The following ANO10 variants were observed in gnomAD, a reference collection of about 807,000 sequenced individuals.
ANO10 encodes the protein anoctamin 10.
ANO10 carries 77 observed loss-of-function variants against 74.7 expected under a neutral mutation model. That is an observed-to-expected ratio of 1.03 (90% CI 0.86 to 1.25). The LOEUF is 1.25. Among genes scored for constraint, ANO10 ranks in the 50% most tolerant of loss-of-function variants. The pLI is 0.00. For synonymous variants in ANO10, 279 were observed against 284.9 expected (o/e 0.98, Z 0.21); for missense variants, 721 against 778.1 (o/e 0.93, Z 0.87).
intron 1 of ANO10, among the ~76,000 whole-genome samples, chr3:43,619,619 G>T (rs892743248): frequency 6.6e-6 from 1 of 152,042 alleles, no homozygotes; most frequent in Non-Finnish European, 1.5e-5. Flanking sequence ...GGAGTCCATG[G>T]GGGGTGGATC....
chr3:43,672,791 T>C lies in ANO10; in HGVS notation c.-12+18726A>G, dbSNP rs756113998. 1.1e-4 allele frequency among the ~76,000 whole-genome samples: 17 copies of C among 152,302 alleles called. No homozygotes were observed. In the East Asian group the frequency reaches 1.5e-3, roughly 14 times the overall value. On this transcript the variant is annotated intron_variant, in intron 1 of 3. Transcript: ENST00000413397. ...CCGACTCCTTTGTAACTTTCCTACA[T>C]TGATTTAAAGTAGACAGTGGTATAT...
At chr3:43,433,277 C>T (rs920139773) in intron 11 of ANO10, among the ~76,000 whole-genome samples, 15 of 152,140 alleles carry the variant, frequency 9.9e-5, no homozygotes, top group Non-Finnish European at 1.6e-4. Flanking sequence ...CCAGGTATTC[C>T]TGTAAACTGA....
At chr3:43,432,827 T>G (rs1457298256) in intron 11 of ANO10, 100 bp from the exon 12 acceptor site, 1 of 880,904 alleles carries the variant, frequency 1.1e-6, no homozygotes, top group Non-Finnish European at 1.9e-6. Flanking sequence ...TATATTAATC[T>G]TGGGTAATTT....
At chr3:43,673,990 G>C (rs1393264926) in intron 1 of ANO10, among the ~76,000 whole-genome samples, 1 of 152,178 alleles carries the variant, frequency 6.6e-6, no homozygotes, top group Admixed American at 6.5e-5. Flanking sequence ...AAAAGTATGT[G>C]AAGGACATCA....
chr3:43,386,475 T>G (rs2092120483), intron 12 of ANO10, among the ~76,000 whole-genome samples: 1 of 152,092 alleles, frequency 6.6e-6, no homozygotes, highest in Admixed American at 6.5e-5. Context: ...CAACACCTGA[T>G]CTGAGAAACT....
intron 10 of ANO10, among the ~76,000 whole-genome samples, chr3:43,554,566 T>G (rs758571118): frequency 3.9e-5 from 6 of 152,192 alleles, no homozygotes; most frequent in Non-Finnish European, 8.8e-5. Flanking sequence ...TTAAACCTTC[T>G]GTTTTAGTTG....
At chr3:43,436,935 G>A (rs1358535043) in intron 11 of ANO10, among the ~76,000 whole-genome samples, 1 of 152,192 alleles carries the variant, frequency 6.6e-6, no homozygotes, top group Non-Finnish European at 1.5e-5. Context: ...ACAATGGTAT[G>A]TATGCAGAGT....
intron 11 of ANO10, among the ~76,000 whole-genome samples, chr3:43,487,404 G>A (rs2076538039): frequency 1.3e-5 from 2 of 151,998 alleles, no homozygotes; most frequent in Admixed American, 1.3e-4. Context: ...TGTACTTCTG[G>A]TAGAATTCAG....
intron 12 of ANO10, among the ~76,000 whole-genome samples, chr3:43,430,615 T>C (rs1388736078): frequency 6.6e-6 from 1 of 152,162 alleles, no homozygotes; most frequent in Non-Finnish European, 1.5e-5. Flanking sequence ...GGCCCATTTA[T>C]GGACTCAATG....
chr3:43,627,954 T>C (rs531788032), intron 1 of ANO10, among the ~76,000 whole-genome samples: 15 of 152,250 alleles, frequency 9.9e-5, no homozygotes, highest in South Asian at 4.1e-4. Flanking sequence ...TGGCGCTATC[T>C]AGGCTTACCA....
At chr3:43,499,993 A>G (rs1267022379) in intron 11 of ANO10, among the ~76,000 whole-genome samples, 3 of 151,874 alleles carry the variant, frequency 2.0e-5, no homozygotes. Context: ...CACCACACCT[A>G]GCTGTTTTTT....
intron 1 of ANO10, among the ~76,000 whole-genome samples, chr3:43,687,270 A>G (rs2084287860): frequency 6.6e-6 from 1 of 152,204 alleles, no homozygotes; most frequent in African/African-American, 2.4e-5. Context: ...TACCAAAACC[A>G]AAAAATATTT....
chr3:43,683,598 C>A (rs1426203514), intron 1 of ANO10, among the ~76,000 whole-genome samples: 1 of 152,116 alleles, frequency 6.6e-6, no homozygotes, highest in Admixed American at 6.5e-5. Context: ...TCATATGGAA[C>A]CAAAAAAGAG....
rs534026718 is a variant in ANO10 at position 43,564,417 on chromosome 3, A to T, written c.1293+1236T>A. Among the ~76,000 whole-genome samples the T allele has an allele frequency of 1.6e-4, 24 of 152,232 alleles. No homozygotes were observed. The South Asian group carries it at 5.0e-3, about 32-fold the overall frequency. ...ACTATGTATGTATTATTAAAAAAAA[A>T]ATAGAAAAAAAGAGCCACCCATAAT... is the stretch of plus-strand genomic sequence containing the variant. On this transcript the variant is annotated intron_variant, in intron 8 of 12. Transcript: ENST00000292246.
intron 12 of ANO10, among the ~76,000 whole-genome samples, chr3:43,404,730 A>C (rs1451469312): frequency 6.6e-6 from 1 of 151,968 alleles, no homozygotes; most frequent in African/African-American, 2.4e-5. Flanking sequence ...AAAAATAAAA[A>C]AAAATTAGCT....
chr3:43,548,866 A>G (rs1308844765), intron 11 of ANO10, among the ~76,000 whole-genome samples: 2 of 152,240 alleles, frequency 1.3e-5, no homozygotes, highest in Non-Finnish European at 2.9e-5. Flanking sequence ...ACATGATAAA[A>G]GAAAAACGTA....
chr3:43,396,072 A>ATTTTTT (rs147741860), intron 12 of ANO10, among the ~76,000 whole-genome samples: 1 of 145,548 alleles, frequency 6.9e-6, no homozygotes, highest in East Asian at 2.1e-4. Context: ...TAATTTATTT[A>ATTTTTT]TTTATTTTTT....
chr3:43,594,607 AAGCAGTGTGT>A (rs1398573500), intron 4 of ANO10, among the ~76,000 whole-genome samples: 1 of 152,214 alleles, frequency 6.6e-6, no homozygotes, highest in Non-Finnish European at 1.5e-5. Flanking sequence ...GACACATTTA[AAGCAGTGTGT>A]AGAAGGAAAT....
chr3:43,608,439 A>AT (rs1388425637), intron 1 of ANO10, among the ~76,000 whole-genome samples: 1 of 152,056 alleles, frequency 6.6e-6, no homozygotes. Context: ...TAATTTTTGT[A>AT]TTTTTTGTAG....
Sources: allele counts gnomAD v4.1 joint callset (sites outside exome capture counted in the v4.1 genomes callset), GRCh38; gene constraint gnomAD v4.1.1; transcripts MANE v1.5; gene names NCBI Gene and HGNC (gene_info 2026-07-23, HGNC 2026-07-21).